The following TMEM117 variants were observed in gnomAD, a reference collection of about 807,000 sequenced individuals.
TMEM117 encodes transmembrane protein 117.
In TMEM117, 27 loss-of-function variants were observed where a neutral mutation model predicts 52.4. The ratio of observed to expected loss-of-function variants is 0.51; its 90% CI spans 0.38 to 0.71. TMEM117 has a LOEUF of 0.71. TMEM117 is among the 30% of genes least tolerant of loss of function. The pLI is 0.00. For synonymous variants in TMEM117, 215 were observed against 206.3 expected (o/e 1.04, Z -0.36); for missense variants, 556 against 630.5 (o/e 0.88, Z 1.26).
At chr12:44,394,031 A>G (rs1438999576), downstream of TMEM117, among the ~76,000 whole-genome samples, 4 of 152,212 alleles carry the variant, frequency 2.6e-5, no homozygotes, top group Non-Finnish European at 5.9e-5. Context: ...TATGAATATT[A>G]AAACAAGGGA....
At chr12:44,180,859 T>C (rs1311628439) in intron 4 of TMEM117, among the ~76,000 whole-genome samples, 9 of 151,996 alleles carry the variant, frequency 5.9e-5, no homozygotes, top group African/African-American at 7.2e-5. Flanking sequence ...GTCCTTTGGG[T>C]ATATACCCAG....
intron 3 of TMEM117, among the ~76,000 whole-genome samples, chr12:44,002,996 A>G (rs1288219944): frequency 2.6e-5 from 4 of 152,106 alleles, no homozygotes; most frequent in Admixed American, 6.6e-5. Context: ...CCTTTAACTT[A>G]CTTGACAAAG....
intron 6 of TMEM117, 70 bp from the exon 7 acceptor site, chr12:44,376,525 C>T (rs1951943065): frequency 3.8e-6 from 6 of 1,567,182 alleles, no homozygotes; most frequent in African/African-American, 1.4e-5. Context: ...TATAAAAAGT[C>T]AATTTTTGGT....
At chr12:44,037,304 C>T (rs79641741) in intron 3 of TMEM117, among the ~76,000 whole-genome samples, 6,471 of 152,250 alleles carry the variant, frequency 0.043, 186 homozygotes, top group South Asian at 0.084. Flanking sequence ...GGGAAGCCCC[C>T]CTTCCCTGCA....
chr12:44,304,168 C>A (rs1950876217), intron 6 of TMEM117, among the ~76,000 whole-genome samples: 1 of 152,168 alleles, frequency 6.6e-6, no homozygotes, highest in African/African-American at 2.4e-5. Context: ...GGCCACGTGG[C>A]ACAGAATCTA....
chr12:43,986,596 T>C (rs1189466909), intron 3 of TMEM117, among the ~76,000 whole-genome samples: 1 of 152,184 alleles, frequency 6.6e-6, no homozygotes, highest in Non-Finnish European at 1.5e-5. Context: ...TAGAACTTCG[T>C]GGTATTCCTA....
chr12:43,797,910 A>G, the TMEM117 span: 191 of 1,443,216 alleles, frequency 1.3e-4, no homozygotes, highest in Non-Finnish European at 1.7e-4. Context: ...CCCAACCTCT[A>G]TAAAATAGTA....
In TMEM117 at chr12:44,365,751, T is replaced by TTTATTATTATTA. The variant is rs537506360; in HGVS notation, c.769-10833_769-10822dup. 8.6e-5 allele frequency among the ~76,000 whole-genome samples: 13 copies of TTTATTATTATTA among 151,374 alleles called. No individual in the cohort carries two copies. The South Asian group carries it at 2.7e-3, about 31-fold the overall frequency. ...GTCAATCTCCTATAAAGGATTTTCT[T>TTTATTATTATTA]TTATTATTATTATTATTATTATACT... is the stretch of plus-strand genomic sequence containing the variant. On this transcript the variant is annotated intron_variant, in intron 6 of 7. Transcript: ENST00000266534.
chr12:44,031,540 A>G (rs1946632940), intron 3 of TMEM117, among the ~76,000 whole-genome samples: 1 of 152,246 alleles, frequency 6.6e-6, no homozygotes, highest in African/African-American at 2.4e-5. Flanking sequence ...ATGAATATCA[A>G]ACAGGAGTTA....
chr12:43,955,651 A>T (rs1945294572), intron 3 of TMEM117, among the ~76,000 whole-genome samples: 1 of 152,206 alleles, frequency 6.6e-6, no homozygotes, highest in African/African-American at 2.4e-5. Flanking sequence ...ACACAGGCAG[A>T]TGGAAAAACA....
intron 3 of TMEM117, among the ~76,000 whole-genome samples, chr12:44,098,841 T>G (rs1003265395): frequency 6.6e-6 from 1 of 152,298 alleles, no homozygotes. Context: ...GATACTGCTT[T>G]CAGTCAAGTG....
downstream of TMEM117, among the ~76,000 whole-genome samples, chr12:44,391,831 C>G (rs953124003): frequency 2.6e-5 from 4 of 152,140 alleles, no homozygotes; most frequent in African/African-American, 4.8e-5. Flanking sequence ...TCAACTCATG[C>G]TTAGGCAGCT....
At chr12:44,067,811 C>G (rs953924454) in intron 3 of TMEM117, among the ~76,000 whole-genome samples, 1 of 152,178 alleles carries the variant, frequency 6.6e-6, no homozygotes, top group African/African-American at 2.4e-5. Flanking sequence ...TAGCCCCTAA[C>G]AAGAGAGTCA....
At chr12:44,310,152 A>C (rs1950955786) in intron 6 of TMEM117, among the ~76,000 whole-genome samples, 1 of 152,206 alleles carries the variant, frequency 6.6e-6, no homozygotes, top group Non-Finnish European at 1.5e-5. Context: ...GATAGAAGAA[A>C]ATTAATTTAG....
At chr12:44,315,504 T>C (rs1951042820) in intron 6 of TMEM117, among the ~76,000 whole-genome samples, 1 of 152,246 alleles carries the variant, frequency 6.6e-6, no homozygotes, top group Non-Finnish European at 1.5e-5. Flanking sequence ...AATTCATTGT[T>C]TACCCAAAAA....
At chr12:44,294,518 G>A (rs1483159923) in intron 5 of TMEM117, among the ~76,000 whole-genome samples, 2 of 152,164 alleles carry the variant, frequency 1.3e-5, no homozygotes, top group Non-Finnish European at 2.9e-5. Context: ...ATGGGTAGAA[G>A]ATTTGTTCTT....
chr12:44,322,109 A>G (rs900884211), intron 6 of TMEM117, among the ~76,000 whole-genome samples: 5 of 152,188 alleles, frequency 3.3e-5, no homozygotes, highest in Non-Finnish European at 7.3e-5. Flanking sequence ...ATTTGAATAA[A>G]AGGAATTGGC....
chr12:44,030,204 G>A (rs1478809742), intron 3 of TMEM117, among the ~76,000 whole-genome samples: 3 of 152,178 alleles, frequency 2.0e-5, no homozygotes, highest in African/African-American at 7.2e-5. Flanking sequence ...CTTCAAAAAT[G>A]TAAACATTTG....
chr12:44,247,486 A>G (rs1950145049), intron 5 of TMEM117, among the ~76,000 whole-genome samples: 1 of 152,228 alleles, frequency 6.6e-6, no homozygotes, highest in Non-Finnish European at 1.5e-5. Context: ...GTGCAATGTT[A>G]TATTTCAGTG....
Sources: gnomAD v4.1 joint callset for allele counts (sites outside exome capture counted in the v4.1 genomes callset) on GRCh38, gnomAD v4.1.1 for gene constraint, MANE v1.5 for transcripts, NCBI Gene and HGNC (gene_info 2026-07-23, HGNC 2026-07-21) for gene names.